The following CNTNAP3 variants were observed in gnomAD, a reference collection of about 807,000 sequenced individuals.
CNTNAP3 encodes contactin associated protein family member 3, also known as contactin-associated protein-like 3.
Under a neutral mutation model 92.1 loss-of-function variants are expected in CNTNAP3, and 36 were observed. That is an observed-to-expected ratio of 0.39 (90% CI 0.30 to 0.52). The LOEUF (loss-of-function observed/expected upper bound fraction) is 0.52, where lower values mean the gene tolerates loss of function less well. Ranked by LOEUF, CNTNAP3 falls within the 20% of genes least tolerant of loss-of-function variation. The pLI is 0.76. For missense variants in CNTNAP3, 534 were observed against 1,069.6 expected, an observed-to-expected ratio of 0.50 and a Z score of 6.98; for synonymous variants, 232 against 422.3, an observed-to-expected ratio of 0.55 and a Z score of 5.53.
chr9:39,082,484 C>T (rs531642581), intron 21 of CNTNAP3, among the ~76,000 whole-genome samples: 1 of 152,154 alleles, frequency 6.6e-6, no homozygotes, highest in South Asian at 2.1e-4. Flanking sequence ...ACAAAATCTC[C>T]TATCTTCTTG....
intron 12 of CNTNAP3, among the ~76,000 whole-genome samples, chr9:39,135,357 C>T (rs1361907272): frequency 2.6e-5 from 4 of 151,914 alleles, no homozygotes; most frequent in Non-Finnish European, 1.5e-5. Flanking sequence ...ACTGCAGCCT[C>T]GACCTCCTGG....
At chr9:39,105,129 C>T (rs979423619) in intron 15 of CNTNAP3, among the ~76,000 whole-genome samples, 3 of 152,154 alleles carry the variant, frequency 2.0e-5, no homozygotes, top group Admixed American at 6.5e-5. Context: ...ATGCCTCCGT[C>T]AGAAATAGCT....
At chr9:39,091,587 A>T (rs969201226) in intron 18 of CNTNAP3, among the ~76,000 whole-genome samples, 18 of 151,698 alleles carry the variant, frequency 1.2e-4, no homozygotes, top group African/African-American at 4.1e-4. Context: ...ATGTGACTGG[A>T]TTTGCTTTGG....
intron 18 of CNTNAP3, among the ~76,000 whole-genome samples, chr9:39,090,557 C>T (rs1187936220): frequency 6.6e-6 from 1 of 152,304 alleles, no homozygotes. Flanking sequence ...TCTGGACTTT[C>T]AATTTTATCC....
rs1369109182 is a variant in CNTNAP3, at chr9:39,086,816, T to G, written c.3254A>C (p.His1085Pro). 13 of 1,610,098 alleles carry G rather than the reference T, an allele frequency of 8.1e-6. No individual in the cohort carries two copies. The highest frequency in any genetic ancestry group is 1.1e-5 in the Non-Finnish European group (13 of 1,179,244). Residue 1085 changes from histidine to proline, a missense_variant, in exon 20 of 24, where the codon CAT (histidine) becomes CCT (proline). By Grantham distance (77) the His-to-Pro change is moderately conservative (BLOSUM62 -2). Transcript: ENST00000297668. ...AAAGGTAAATGCATCAGGATTTTGA[T>G]GTCTATCTAGCTTGTACCTAATCTG... ...SLQIRYKLDR[H>P]QNPDAFTFDF...
intron 15 of CNTNAP3, 66 bp downstream of exon 15, chr9:39,109,094 T>C (rs1429181761): frequency 2.6e-6 from 4 of 1,547,938 alleles, no homozygotes; most frequent in Non-Finnish European, 3.5e-6. Context: ...ACAAGGGCAT[T>C]TGTCTACTCT....
intron 22 of CNTNAP3, 45 bp downstream of exon 22, chr9:39,078,645 G>A (rs1433629800): frequency 2.6e-6 from 4 of 1,548,566 alleles, no homozygotes; most frequent in Non-Finnish European, 3.5e-6. Context: ...ACAAACATTT[G>A]AGAGAAGCGC....
At chr9:39,085,846 C>T (rs773184117) in intron 20 of CNTNAP3, 23 bp from the exon 21 acceptor site, 2 of 1,510,332 alleles carry the variant, frequency 1.3e-6, no homozygotes, top group African/African-American at 2.9e-5. Flanking sequence ...CCATGAGAAG[C>T]AAACATCAAC....
intron 14 of CNTNAP3, among the ~76,000 whole-genome samples, chr9:39,110,697 A>C (rs1335692612): frequency 1.3e-5 from 2 of 152,170 alleles, no homozygotes. Flanking sequence ...ACTCTGCTGC[A>C]AAAGTATTTT....
intron 2 of CNTNAP3, among the ~76,000 whole-genome samples, chr9:39,255,222 G>A (rs1822832632): frequency 7.1e-5 from 1 of 14,046 alleles, no homozygotes; most frequent in African/African-American, 1.7e-4. Flanking sequence ...ATTGCCGGGC[G>A]CGGTGGCTCA....
At position 39,131,252 on chromosome 9, in the gene CNTNAP3, T is replaced by C. The variant is rs188475739; in HGVS notation, c.2080+1680A>G. Reference sequence around the variant, plus strand: ...GAGAGTTTCTTACTTACTGAACTTATGTAAGCTATCTCATTTATAAAAGAA... The same window carrying C: ...GAGAGTTTCTTACTTACTGAACTTACGTAAGCTATCTCATTTATAAAAGAA... On this transcript the variant is annotated intron_variant, in intron 13 of 23. Coordinates refer to ENST00000297668, the MANE Select transcript of CNTNAP3 (RefSeq NM_033655.5). Among the ~76,000 whole-genome samples the C allele has an allele frequency of 2.1e-3, 320 of 152,236 alleles. 2 individuals are homozygous for C. The highest frequency in any genetic ancestry group is 0.014 in the Middle Eastern group (4 of 294).
At chr9:39,104,055 A>G in intron 15 of CNTNAP3, 141 bp from the exon 16 acceptor site, 5 of 1,399,364 alleles carry the variant, frequency 3.6e-6, no homozygotes, top group South Asian at 1.5e-5. Context: ...CTGAGCATCC[A>G]TGTCATATAC....
intron 15 of CNTNAP3, among the ~76,000 whole-genome samples, chr9:39,104,131 A>C (rs1826538318): frequency 6.6e-6 from 1 of 152,144 alleles, no homozygotes; most frequent in South Asian, 2.1e-4. Flanking sequence ...GAGAAGGCCA[A>C]ACAAAAGCGA....
intron 19 of CNTNAP3, among the ~76,000 whole-genome samples, chr9:39,087,566 A>G (rs1042558855): frequency 2.6e-5 from 4 of 152,024 alleles, no homozygotes; most frequent in South Asian, 4.1e-4. Context: ...GGCTCACTGC[A>G]AGCTCTGCCT....
Position 39,149,831 on chromosome 9 carries a change from T to C in CNTNAP3, c.1624A>G (p.Ile542Val), listed in dbSNP as rs759774492. The C allele has an allele frequency of 2.5e-6, 4 of 1,600,912 alleles. No homozygotes were observed. Among genetic ancestry groups the C allele is most frequent in the Admixed American group, 3.4e-5 (2 of 58,264 alleles). Residue 542 changes from isoleucine to valine, a missense_variant, in exon 10 of 24, where the codon ATA becomes GTA. Transcript: ENST00000297668. ...CTGTCTGTGATGCCGCAGGAGTCTA[T>C]CTGGAGGTCCCTGAAACTCCCCAGC... ...GALGSFRDLQ[I>V]DSCGITDRCL...
intron 12 of CNTNAP3, among the ~76,000 whole-genome samples, chr9:39,136,903 A>C (rs200677174): frequency 2.0e-5 from 3 of 152,194 alleles, no homozygotes; most frequent in African/African-American, 7.2e-5. Context: ...TCCATCTCAA[A>C]AAAAGGAGTT....
At chr9:39,101,276 C>A (rs935522483) in intron 17 of CNTNAP3, among the ~76,000 whole-genome samples, 2 of 151,176 alleles carry the variant, frequency 1.3e-5, no homozygotes, top group Non-Finnish European at 2.9e-5. Flanking sequence ...CGTGGGTTCA[C>A]GTGTAGCATT....
chr9:39,120,526 C>T (rs571661874), intron 13 of CNTNAP3, among the ~76,000 whole-genome samples: 1 of 152,142 alleles, frequency 6.6e-6, no homozygotes, highest in Non-Finnish European at 1.5e-5. Flanking sequence ...AAAAAATAGA[C>T]GAGCGTAGTG....
At chr9:39,103,655 T>C in intron 16 of CNTNAP3, 89 bp downstream of exon 16, 1 of 1,371,108 alleles carries the variant, frequency 7.3e-7, no homozygotes, top group Non-Finnish European at 9.8e-7. Flanking sequence ...AATCACAAAA[T>C]AAGAATGAAA....
Sources: allele counts gnomAD v4.1 joint callset (sites outside exome capture counted in the v4.1 genomes callset), GRCh38; gene constraint gnomAD v4.1.1; transcripts MANE v1.5; gene names NCBI Gene and HGNC (gene_info 2026-07-23, HGNC 2026-07-21).